NMUR2: variants seen among roughly 807,000 people sequenced by gnomAD.
NMUR2 encodes neuromedin U receptor 2, also known as neuromedin-U receptor 2.
In NMUR2, 24 loss-of-function variants were observed where a neutral mutation model predicts 25.1. The observed-to-expected ratio is 0.96, with a 90% CI of 0.69 to 1.34. The LOEUF (loss-of-function observed/expected upper bound fraction) is 1.34. NMUR2 is among the 40% of genes most tolerant of loss of function. The pLI is 0.00. For missense variants in NMUR2, 533 were observed against 512.8 expected (o/e 1.04, Z -0.38); for synonymous variants, 218 against 208.1 (o/e 1.05, Z -0.41).
At position 152,405,200 on chromosome 5, in the gene NMUR2, CAA is replaced by C. The variant is rs927118340; in HGVS notation, c.-89_-88del. The C allele has an allele frequency of 4.4e-5, 64 of 1,441,418 alleles. No homozygotes were observed. The highest frequency in any genetic ancestry group is 5.6e-5 in the Non-Finnish European group (60 of 1,078,572). The allele number at this position is 1,441,418 out of a possible 1,614,324, so 89.3% of individuals were successfully genotyped here. Reference sequence around the variant, plus strand: ...AAAAAAAAAAAAGAAAAAAGGAAAACAAAAAAGAGAAAGCAGTCACGAAAGTC... The same window carrying C: ...AAAAAAAAAAAAGAAAAAAGGAAAACAAAAGAGAAAGCAGTCACGAAAGTC... On this transcript the variant is annotated 5_prime_UTR_variant, in exon 1 of 4. Coordinates refer to ENST00000255262, the MANE Select transcript of NMUR2 (RefSeq NM_020167.5).
At chr5:152,398,837 T>A (rs1396582415) in intron 1 of NMUR2, among the ~76,000 whole-genome samples, 2 of 152,168 alleles carry the variant, frequency 1.3e-5, no homozygotes, top group East Asian at 3.9e-4. Flanking sequence ...AATATTACAG[T>A]AATATTAATT....
intron 3 of NMUR2, among the ~76,000 whole-genome samples, chr5:152,393,106 C>T (rs1413128531): frequency 6.6e-6 from 1 of 152,232 alleles, no homozygotes. Context: ...TTGGAATACA[C>T]TCTTCCTTTA....
rs4958303 is a variant in NMUR2, at chr5:152,392,112, A to T, written c.*79T>A. ...GTAAGAGCCATTCTACCTCTCTAATATCATATGAGAAGGCATACATTATGG... is the reference window on the plus strand; with the variant it reads ...GTAAGAGCCATTCTACCTCTCTAATTTCATATGAGAAGGCATACATTATGG... On this transcript the variant is annotated 3_prime_UTR_variant, in exon 4 of 4. Coordinates refer to ENST00000255262, the MANE Select transcript of NMUR2 (RefSeq NM_020167.5). 0.18 allele frequency: 214,275 copies of T among 1,209,924 alleles called. 20,980 individuals are homozygous for T. Among genetic ancestry groups the T allele is most frequent in the Admixed American group, 0.29 (13,494 of 46,230 alleles). 74.9% of individuals were successfully genotyped at this position (1,209,924 alleles called of 1,614,324 possible).
At chr5:152,401,080 G>A (rs1278219810) in intron 1 of NMUR2, among the ~76,000 whole-genome samples, 1 of 152,160 alleles carries the variant, frequency 6.6e-6, no homozygotes, top group Non-Finnish European at 1.5e-5. Flanking sequence ...TGACAGAATA[G>A]AATAGAATCA....
At chr5:152,398,702 C>A (rs1753205592) in intron 1 of NMUR2, among the ~76,000 whole-genome samples, 1 of 152,146 alleles carries the variant, frequency 6.6e-6, no homozygotes, top group African/African-American at 2.4e-5. Context: ...ACACTCACAT[C>A]ACCTACTCAT....
intron 2 of NMUR2, among the ~76,000 whole-genome samples, chr5:152,397,015 T>C (rs1268403416): frequency 7.0e-6 from 1 of 142,300 alleles, no homozygotes. Context: ...GCTTCATGTT[T>C]TTTTTTTTTT....
At chr5:152,397,012 G>GGTTTTTTT (rs1554106748) in intron 2 of NMUR2, among the ~76,000 whole-genome samples, 5 of 105,708 alleles carry the variant, frequency 4.7e-5, no homozygotes, top group African/African-American at 1.6e-4. Flanking sequence ...TGAGCTTCAT[G>GGTTTTTTT]TTTTTTTTTT....
In NMUR2 at chr5:152,399,143, T is replaced by A. The variant is rs80230573; in HGVS notation, c.727-999A>T. 9.5e-3 allele frequency among the ~76,000 whole-genome samples: 1,443 copies of A among 152,302 alleles called. 19 individuals carry two copies. Among genetic ancestry groups the A allele is most frequent in the African/African-American group, 0.033 (1,369 of 41,574 alleles). ...ACATTTTTTAATTTGTGGGGATGTT[T>A]GGCCAAATAAAGGAAGCTTTAAGGA... On this transcript the variant is annotated intron_variant, in intron 1 of 3. Coordinates refer to ENST00000255262, the MANE Select transcript of NMUR2 (RefSeq NM_020167.5).
intron 3 of NMUR2, among the ~76,000 whole-genome samples, chr5:152,394,927 T>C (rs918247099): frequency 3.5e-5 from 5 of 143,178 alleles, no homozygotes; most frequent in African/African-American, 1.3e-4. Flanking sequence ...TCACTCAGAA[T>C]AGCAATGGTG....
intron 3 of NMUR2, 102 bp from the exon 4 acceptor site, chr5:152,392,603 T>G (rs1239187703): frequency 2.3e-6 from 2 of 865,438 alleles, no homozygotes; most frequent in African/African-American, 1.7e-5. Flanking sequence ...TCCCTGTGAT[T>G]GCCTCTTTTA....
intron 1 of NMUR2, among the ~76,000 whole-genome samples, chr5:152,401,098 T>TA (rs1753243515): frequency 1.3e-5 from 2 of 152,210 alleles, no homozygotes; most frequent in South Asian, 4.1e-4. Context: ...TCAAAACAGT[T>TA]AGTCTAGCCA....
intron 1 of NMUR2, among the ~76,000 whole-genome samples, chr5:152,399,660 A>G (rs1753221258): frequency 6.6e-6 from 1 of 152,142 alleles, no homozygotes; most frequent in African/African-American, 2.4e-5. Flanking sequence ...ACAGAAATAA[A>G]GTTAGGTTTA....
intron 3 of NMUR2, among the ~76,000 whole-genome samples, chr5:152,393,677 A>T (rs181343501): frequency 2.3e-3 from 348 of 152,326 alleles, no homozygotes; most frequent in Non-Finnish European, 3.5e-3. Flanking sequence ...GTATCTGTTA[A>T]GAACAAATAT....
At position 152,398,194 on chromosome 5, in the gene NMUR2, C is replaced by T. The variant is rs368869095; in HGVS notation, c.727-50G>A. The T allele has an allele frequency of 9.1e-5, 123 of 1,350,022 alleles. 2 individuals carry two copies. Among genetic ancestry groups the T allele is most frequent in the East Asian group, 6.2e-4 (27 of 43,522 alleles). The allele number at this position is 1,350,022 out of a possible 1,614,324, so 83.6% of individuals were successfully genotyped here. A position where few individuals can be genotyped will look rare whatever the true frequency, so the allele number is the denominator to read the frequency against. On this transcript the variant is annotated intron_variant, in intron 1 of 3. Coordinates refer to ENST00000255262, the MANE Select transcript of NMUR2 (RefSeq NM_020167.5). ...GATAGTAAGAAAGAGAAACATTTTT[C>T]CTCCTGTTAAAATCTGAGAAACATA...
intron 3 of NMUR2, among the ~76,000 whole-genome samples, chr5:152,394,841 A>C (rs1753122111): frequency 1.8e-5 from 2 of 108,836 alleles, no homozygotes; most frequent in Admixed American, 1.3e-4. Flanking sequence ...TGTGTACAGG[A>C]GGCTTTTTTT....
At chr5:152,394,066 A>T (rs1753108318) in intron 3 of NMUR2, among the ~76,000 whole-genome samples, 1 of 152,158 alleles carries the variant, frequency 6.6e-6, no homozygotes, top group Non-Finnish European at 1.5e-5. Flanking sequence ...GTATCTGAAC[A>T]GGATCATGTC....
Position 152,404,720 on chromosome 5 carries a change from C to A in NMUR2, c.394G>T (p.Ala132Ser), listed in dbSNP as rs764432864. Residue 132 changes from alanine to serine, a missense_variant, in exon 1 of 4, where the codon GCC (alanine) becomes TCC (serine). By Grantham distance (99) the Ala-to-Ser change is moderately conservative. Coordinates refer to ENST00000255262, the MANE Select transcript of NMUR2 (RefSeq NM_020167.5). ...KTALFETVCF[A>S]SILSITTVSV... ...ACGGTGGTGATGCTGAGGATGGAGG[C>A]GAAGCACACGGTCTCAAAGAGGGCC... 1 of 1,614,040 alleles carries A rather than the reference C, an allele frequency of 6.2e-7. No homozygotes were observed. Among genetic ancestry groups the A allele is most frequent in the East Asian group, 2.2e-5 (1 of 44,868 alleles).
At chr5:152,395,944 T>C (rs935880596) in intron 2 of NMUR2, among the ~76,000 whole-genome samples, 5 of 152,104 alleles carry the variant, frequency 3.3e-5, no homozygotes, top group African/African-American at 1.2e-4. Flanking sequence ...ATCTTGTTGT[T>C]ATAGGAATAA....
rs754836909 is a variant in NMUR2, at chr5:152,398,130, T to C, written c.741A>G (p.Lys247=). ...YLMALRLKKD[K]SLEADEGNAN... The stretch of plus-strand genomic sequence containing the variant: ...CATTCCCTTCATCTGCCTCAAGAGA[T>C]TTGTCTTTCTTTAGCTGAAAGGGAA... The change falls in exon 2 of 4, where the codon AAA becomes AAG. Residue 247 remains lysine (K), a synonymous_variant. Coordinates refer to ENST00000255262, the MANE Select transcript of NMUR2 (RefSeq NM_020167.5). The C allele has an allele frequency of 3.1e-6, 5 of 1,612,308 alleles. No individual in the cohort carries two copies. Among genetic ancestry groups the C allele is most frequent in the Admixed American group, 3.3e-5 (2 of 59,880 alleles).
Sources: gnomAD v4.1 joint callset for allele counts (sites outside exome capture counted in the v4.1 genomes callset) on GRCh38, gnomAD v4.1.1 for gene constraint, MANE v1.5 for transcripts, NCBI Gene and HGNC (gene_info 2026-07-23, HGNC 2026-07-21) for gene names.